Variants in CDH24 observed in about 807,000 individuals in gnomAD.
CDH24 encodes the protein cadherin-24.
CDH24 carries 61 observed loss-of-function variants against 71.2 expected under a neutral mutation model. That is an observed-to-expected ratio of 0.86 (90% CI 0.70 to 1.06). The LOEUF (loss-of-function observed/expected upper bound fraction) is 1.06, where lower values mean the gene tolerates loss of function less well. Ranked by LOEUF, CDH24 falls within the 50% of genes least tolerant of loss-of-function variation. CDH24 has a pLI of 0.00. For missense variants in CDH24, 961 were observed against 1,083.7 expected (o/e 0.89, Z 1.59); for synonymous variants, 440 against 470.2 (o/e 0.94, Z 0.83).
rs776729940 is a variant in CDH24 at position 23,055,630 on chromosome 14, G to C, written c.104C>G (p.Pro35Arg). 6.2e-7 allele frequency: 1 copy of C among 1,613,078 alleles called. No homozygotes were observed. The highest frequency in any genetic ancestry group is 2.2e-5 in the East Asian group (1 of 44,860). Residue 35 changes from proline (P) to arginine (R), a missense_variant, in exon 2 of 13, where the codon CCA becomes CGA. Pro to Arg is a moderately radical substitution (Grantham distance 103, BLOSUM62 -2). Transcript: ENST00000487137. This position sits in a 1 kb window ranked among gnomAD's most constrained non-coding sequence, Gnocchi z 4.1. Reference sequence around the variant, plus strand: ...TCGAGTCCGCAGCAGAGCAGGCCCTGGGTGTTCCCGGGACCCTGCCCAGGC... The same window carrying C: ...TCGAGTCCGCAGCAGAGCAGGCCCTCGGTGTTCCCGGGACCCTGCCCAGGC... ...ARAWAGSREH[P>R]GPALLRTRRS... is the part of the protein sequence containing the mutation.
chr14:23,052,419 G>A, intron 8 of CDH24, 54 bp downstream of exon 8: 1 of 1,604,612 alleles, frequency 6.2e-7, no homozygotes, highest in Non-Finnish European at 8.5e-7. Context: ...CACACCCAGG[G>A]ACAGCTCCTC....
Position 23,052,069 on chromosome 14 carries a change from G to A in CDH24, c.1363+404C>T, listed in dbSNP as rs865940879. 3.2e-6 allele frequency: 5 copies of A among 1,560,878 alleles called. No homozygotes were observed. The African/African-American group carries it at 6.8e-5, about 21-fold the overall frequency. On this transcript the variant is annotated intron_variant, in intron 8 of 12. Transcript: ENST00000487137. ...AGAAGAGGTACCCAGCCCCTTTCTG[G>A]CCCCCAGCTCCAGCCTGAAGCAGAG...
chr14:23,049,972 CCA>C (rs1325220205), intron 8 of CDH24, 29 bp from the exon 9 acceptor site: 6 of 1,604,194 alleles, frequency 3.7e-6, no homozygotes, highest in Admixed American at 1.7e-5. Flanking sequence ...AACATACACG[CCA>C]CACACACACC....
Position 23,048,314 on chromosome 14 carries a change from G to C in CDH24, c.2012C>G (p.Ala671Gly), listed in dbSNP as rs150958098. The change falls in exon 12 of 13, where the codon GCG becomes GGG. Residue 671 changes from alanine to glycine, a missense_variant. Coordinates refer to ENST00000487137, the MANE Select transcript of CDH24 (RefSeq NM_144985.4). Reference sequence around the variant, plus strand: ...GGGAGGGCCGGGCGCCGGGGGGGCCGCCCCGTCCGGGTTCTGCAAGGCCGT... The same window carrying C: ...GGGAGGGCCGGGCGCCGGGGGGGCCCCCCCGTCCGGGTTCTGCAAGGCCGT... ...DITALQNPDG[A>G]APPAPGPPAR... 2,620 of 1,606,504 alleles carry C rather than the reference G, an allele frequency of 1.6e-3. 6 individuals carry two copies. The highest frequency in any genetic ancestry group is 7.8e-3 in the Middle Eastern group (45 of 5,792).
In CDH24 at chr14:23,048,448, C is replaced by A; in HGVS notation, c.1878G>T (p.Arg626=). 1 of 1,610,446 alleles carries A rather than the reference C, an allele frequency of 6.2e-7. No individual in the cohort carries two copies. Reference sequence around the variant, plus strand: ...GTACCATCAGTGCTTCTTGCTTCTGCCGCCGCAGGGCCACGAAGAGCACCA... The same window carrying A: ...GTACCATCAGTGCTTCTTGCTTCTGACGCCGCAGGGCCACGAAGAGCACCA... ...ALVVLFVALR[R]QKQEALMVLE... is the part of the protein sequence containing the mutation. The change falls in exon 12 of 13, where the codon CGG becomes CGT. Residue 626 remains arginine, a synonymous_variant. Transcript: ENST00000487137.
chr14:23,054,497 G>A lies in CDH24; in HGVS notation c.784+9C>T, dbSNP rs1482911233. Reference sequence around the variant, plus strand: ...AAGGATGGCTCAGGTGGCAGCAATGGCCCCTTACTCTGTGGGAACTTGGGG... The same window carrying A: ...AAGGATGGCTCAGGTGGCAGCAATGACCCCTTACTCTGTGGGAACTTGGGG... On this transcript the variant is annotated intron_variant, in intron 5 of 12. Transcript: ENST00000487137. The surrounding 1 kb of genome is among the most constrained non-coding windows in gnomAD (Gnocchi z 5.2). 6.2e-7 allele frequency: 1 copy of A among 1,610,136 alleles called. No individual in the cohort carries two copies. Among genetic ancestry groups the A allele is most frequent in the Non-Finnish European group, 8.5e-7 (1 of 1,177,640 alleles).
In CDH24 at chr14:23,047,967, C is replaced by T; in HGVS notation, c.*13G>A. ...TGCCCCCCCCCCGCGGTGGGCCGGG[C>T]CAGCCCGGGCGCTCAGGGGGCCGGG... On this transcript the variant is annotated 3_prime_UTR_variant, in exon 12 of 13. Coordinates refer to ENST00000487137, the MANE Select transcript of CDH24 (RefSeq NM_144985.4). 7.6e-7 allele frequency: 1 copy of T among 1,314,418 alleles called. No individual in the cohort carries two copies. The highest frequency in any genetic ancestry group is 9.6e-7 in the Non-Finnish European group (1 of 1,037,002). The allele number at this position is 1,314,418 out of a possible 1,614,324, so 81.4% of individuals were successfully genotyped here. A position where few individuals can be genotyped will look rare whatever the true frequency, so the allele number is the denominator to read the frequency against.
At position 23,054,700 on chromosome 14, in the gene CDH24, G is replaced by C. The variant is rs774625051; in HGVS notation, c.617-27C>G. Reference sequence around the variant, plus strand: ...TAGGGAGAGATGCTGGTCAGAGGGTGTCTGTCCCCTTGGCTGCCCCACCGG... The same window carrying C: ...TAGGGAGAGATGCTGGTCAGAGGGTCTCTGTCCCCTTGGCTGCCCCACCGG... On this transcript the variant is annotated intron_variant, in intron 4 of 12. Transcript: ENST00000487137. The surrounding 1 kb of genome is among the most constrained non-coding windows in gnomAD (Gnocchi z 5.2). The C allele has an allele frequency of 4.2e-5, 68 of 1,614,008 alleles. No homozygotes were observed. The Admixed American group carries it at 6.5e-4, about 15-fold the overall frequency.
Position 23,055,813 on chromosome 14 carries a change from G to A in CDH24, c.-80C>T. ...AGGCCACGTGGCCCATGAGCTGGCT[G>A]GGGTGGAGGGGCAGATGCGTTGAGG... On this transcript the variant is annotated 5_prime_UTR_variant, in exon 2 of 13. Coordinates refer to ENST00000487137, the MANE Select transcript of CDH24 (RefSeq NM_144985.4). This position sits in a 1 kb window ranked among gnomAD's most constrained non-coding sequence, Gnocchi z 4.1. The A allele has an allele frequency of 8.1e-7, 1 of 1,239,132 alleles. No individual in the cohort carries two copies. Among genetic ancestry groups the A allele is most frequent in the Non-Finnish European group, 1.1e-6 (1 of 909,540 alleles). The allele number at this position is 1,239,132 out of a possible 1,614,324, so 76.8% of individuals were successfully genotyped here. A position where few individuals can be genotyped will look rare whatever the true frequency, so the allele number is the denominator to read the frequency against.
intron 8 of CDH24, 104 bp from the exon 9 acceptor site, chr14:23,050,047 G>T (rs2047074707): frequency 2.0e-6 from 3 of 1,476,624 alleles, no homozygotes; most frequent in Non-Finnish European, 2.8e-6. Context: ...CATATAGCAT[G>T]CACAAGAAAC....
At chr14:23,056,157 T>G (rs934981215) in intron 1 of CDH24, among the ~76,000 whole-genome samples, 1 of 152,176 alleles carries the variant, frequency 6.6e-6, no homozygotes, top group Admixed American at 6.5e-5. Flanking sequence ...CCTCCCAGGT[T>G]GGGCACGTAG....
At position 23,048,581 on chromosome 14, in the gene CDH24, G is replaced by A; in HGVS notation, c.1847-102C>T. 24 of 1,174,328 alleles carry A rather than the reference G, an allele frequency of 2.0e-5. No individual in the cohort carries two copies. The South Asian group carries it at 3.0e-4, about 15-fold the overall frequency. The allele number at this position is 1,174,328 out of a possible 1,614,324, so 72.7% of individuals were successfully genotyped here. On this transcript the variant is annotated intron_variant, in intron 11 of 12. Coordinates refer to ENST00000487137, the MANE Select transcript of CDH24 (RefSeq NM_144985.4). ...ACCCATCAGGTGACAGAAGCCCTGTGCTTAGGGGCTGACATCTAGCAAACC... is the reference window on the plus strand; with the variant it reads ...ACCCATCAGGTGACAGAAGCCCTGTACTTAGGGGCTGACATCTAGCAAACC...
intron 11 of CDH24, 65 bp from the exon 12 acceptor site, chr14:23,048,544 T>C (rs548687324): frequency 2.1e-4 from 327 of 1,528,394 alleles, no homozygotes; most frequent in Admixed American, 2.9e-4. Flanking sequence ...CCTGTCTCCA[T>C]GTGAAAGGCT....
chr14:23,054,408 G>C lies in CDH24; in HGVS notation c.785-80C>G. 6.5e-7 allele frequency: 1 copy of C among 1,550,384 alleles called. No homozygotes were observed. The highest frequency in any genetic ancestry group is 8.7e-7 in the Non-Finnish European group (1 of 1,145,272). On this transcript the variant is annotated intron_variant, in intron 5 of 12. Transcript: ENST00000487137. This position sits in a 1 kb window ranked among gnomAD's most constrained non-coding sequence, Gnocchi z 5.2. The stretch of plus-strand genomic sequence containing the variant: ...TCCCCACAGCACTTTATTCTCCCAG[G>C]ATCTGGCTGGGGAGGAGGCGAGGAG...
Position 23,055,814 on chromosome 14 carries a change from G to C in CDH24, c.-81C>G. 1.6e-6 allele frequency: 2 copies of C among 1,240,070 alleles called. No homozygotes were observed. Among genetic ancestry groups the C allele is most frequent in the Non-Finnish European group, 2.2e-6 (2 of 910,352 alleles). The allele number at this position is 1,240,070 out of a possible 1,614,324, so 76.8% of individuals were successfully genotyped here. On this transcript the variant is annotated 5_prime_UTR_variant, in exon 2 of 13. Coordinates refer to ENST00000487137, the MANE Select transcript of CDH24 (RefSeq NM_144985.4). The surrounding 1 kb of genome is among the most constrained non-coding windows in gnomAD (Gnocchi z 4.1). ...GGCCACGTGGCCCATGAGCTGGCTG[G>C]GGTGGAGGGGCAGATGCGTTGAGGC... is the stretch of plus-strand genomic sequence containing the variant.
In CDH24 at chr14:23,052,489, C is replaced by T; in HGVS notation, c.1347G>A (p.Val449=). ...REARAWHNLT[V]LATELDSSAQ... is the part of the protein sequence containing the mutation. ...AGTCCTCACCGAGCTCTGTAGCCAG[C>T]ACAGTGAGGTTGTGCCAGGCGCGAG... The change falls in exon 8 of 13, where the codon GTG becomes GTA. Residue 449 remains valine (V), a synonymous_variant. Coordinates refer to ENST00000487137, the MANE Select transcript of CDH24 (RefSeq NM_144985.4). 2.5e-6 allele frequency: 4 copies of T among 1,613,928 alleles called. No homozygotes were observed. Among genetic ancestry groups the T allele is most frequent in the Non-Finnish European group, 3.4e-6 (4 of 1,180,002 alleles).
rs2047084650 is a variant in CDH24, at chr14:23,051,457, A to T, written c.1363+1016T>A. ...AATAGTGCCTGATAAACAATAAGTA[A>T]TAAATTATCTGTCCACAAATACCCA... On this transcript the variant is annotated intron_variant, in intron 8 of 12. Coordinates refer to ENST00000487137, the MANE Select transcript of CDH24 (RefSeq NM_144985.4). This position sits in a 1 kb window ranked among gnomAD's most constrained non-coding sequence, Gnocchi z 4.4. Among the ~76,000 whole-genome samples, 2 of 152,242 alleles carry T rather than the reference A, an allele frequency of 1.3e-5. No homozygotes were observed. The highest frequency in any genetic ancestry group is 2.9e-5 in the Non-Finnish European group (2 of 68,042).
rs10553168 is a variant in CDH24 at position 23,050,493 on chromosome 14, C to CCACACACACA, written c.1364-560_1364-551dup. Among the ~76,000 whole-genome samples, 640 of 144,874 alleles carry CCACACACACA rather than the reference C, an allele frequency of 4.4e-3. 5 individuals are homozygous for CCACACACACA. Among genetic ancestry groups the CCACACACACA allele is most frequent in the African/African-American group, 0.013 (514 of 39,240 alleles). ...TGGGGTGGACAGACACATATACACA[C>CCACACACACA]CACACACACACACACACACACACAC... On this transcript the variant is annotated intron_variant, in intron 8 of 12. Transcript: ENST00000487137.
chr14:23,048,842 A>G (rs973895928), intron 11 of CDH24, among the ~76,000 whole-genome samples, 185 bp downstream of exon 11: 9 of 152,176 alleles, frequency 5.9e-5, no homozygotes, highest in African/African-American at 2.2e-4. Context: ...CATTGTCATT[A>G]TGGATTGGCA....
Sources: allele counts gnomAD v4.1 joint callset (sites outside exome capture counted in the v4.1 genomes callset), GRCh38; gene constraint gnomAD v4.1.1; non-coding constraint Gnocchi (gnomAD v3.1); transcripts MANE v1.5; gene names NCBI Gene and HGNC (gene_info 2026-07-23, HGNC 2026-07-21).